THSD4: variants seen among roughly 807,000 people sequenced by gnomAD.
The protein encoded by THSD4 is thrombospondin type 1 domain containing 4, also known as thrombospondin type-1 domain-containing protein 4.
THSD4 carries 69 observed loss-of-function variants against 119.0 expected under a neutral mutation model. The observed-to-expected ratio is 0.58, with a 90% CI of 0.48 to 0.71. THSD4 has a LOEUF of 0.71. Among genes scored for constraint, THSD4 ranks in the 30% least tolerant of loss-of-function variants. THSD4 has a pLI of 0.00. For synonymous variants in THSD4, 524 were observed against 540.4 expected, an observed-to-expected ratio of 0.97 and a Z score of 0.42; for missense variants, 1,393 against 1,391.1, an observed-to-expected ratio of 1.00 and a Z score of -0.02.
chr15:71,578,430 G>T (rs976059143), intron 7 of THSD4, among the ~76,000 whole-genome samples: 1 of 151,926 alleles, frequency 6.6e-6, no homozygotes, highest in Non-Finnish European at 1.5e-5. Context: ...GATTTCTTTT[G>T]ACTTTATTTT....
chr15:71,098,101 C>T (rs2141337293), intron 1 of THSD4, among the ~76,000 whole-genome samples: 1 of 151,772 alleles, frequency 6.6e-6, no homozygotes, highest in South Asian at 2.1e-4. Context: ...CAAGGCAGTG[C>T]TGCTTTTATA....
chr15:71,744,383 C>G (rs1487958209), intron 11 of THSD4, among the ~76,000 whole-genome samples: 1 of 152,142 alleles, frequency 6.6e-6, no homozygotes, highest in Non-Finnish European at 1.5e-5. Context: ...GTAGCCCTGT[C>G]CCTCAGAAGC....
intron 7 of THSD4, among the ~76,000 whole-genome samples, chr15:71,592,786 G>C (rs1237338583): frequency 6.6e-6 from 1 of 152,048 alleles, no homozygotes; most frequent in African/African-American, 2.4e-5. Flanking sequence ...TACAAGTCCT[G>C]AGTTTCAGTG....
At chr15:71,478,729 G>C (rs1050384314) in intron 7 of THSD4, among the ~76,000 whole-genome samples, 1 of 152,134 alleles carries the variant, frequency 6.6e-6, no homozygotes, top group African/African-American at 2.4e-5. Flanking sequence ...TAAAATATTG[G>C]GGACTGTATT....
In THSD4 at chr15:71,729,506, A is replaced by T. The variant is rs376964460; in HGVS notation, c.1533+782A>T. The T allele has an allele frequency of 5.3e-5, 8 of 152,360 alleles. No homozygotes were observed. In the East Asian group the frequency reaches 9.6e-4, roughly 18 times the overall value. 9.4% of individuals were successfully genotyped at this position (152,360 alleles called of 1,614,324 possible). A position where few individuals can be genotyped will look rare whatever the true frequency, so the allele number is the denominator to read the frequency against. On this transcript the variant is annotated intron_variant, in intron 9 of 17. Coordinates refer to ENST00000261862, the MANE Select transcript of THSD4 (RefSeq NM_024817.3). Reference sequence around the variant, plus strand: ...TATTTGCTGTGTCAGAGTTTTAGAAATATTATTAATTGCATTGTCATTACT... The same window carrying T: ...TATTTGCTGTGTCAGAGTTTTAGAATTATTATTAATTGCATTGTCATTACT...
chr15:71,661,352 T>C (rs2051301354), intron 8 of THSD4, among the ~76,000 whole-genome samples: 1 of 152,156 alleles, frequency 6.6e-6, no homozygotes, highest in Non-Finnish European at 1.5e-5. Context: ...CTATTTGCAT[T>C]CCATCTGATA....
intron 6 of THSD4, among the ~76,000 whole-genome samples, chr15:71,276,834 T>C (rs1342016671): frequency 6.6e-6 from 1 of 152,194 alleles, no homozygotes; most frequent in Non-Finnish European, 1.5e-5. Flanking sequence ...AAAAACAATA[T>C]GTAGCGGATT....
At chr15:71,237,584 T>C (rs923417945) in intron 4 of THSD4, among the ~76,000 whole-genome samples, 2 of 152,194 alleles carry the variant, frequency 1.3e-5, no homozygotes, top group African/African-American at 4.8e-5. Flanking sequence ...AGCAGAGGCC[T>C]GTGCTAGACC....
At chr15:71,658,469 G>T (rs551364624) in intron 7 of THSD4, among the ~76,000 whole-genome samples, 1 of 152,224 alleles carries the variant, frequency 6.6e-6, no homozygotes, top group Admixed American at 6.5e-5. Flanking sequence ...GCAGGCAATG[G>T]GTGTTGACCA....
At chr15:71,344,627 T>G (rs905234423) in intron 6 of THSD4, among the ~76,000 whole-genome samples, 17 of 152,194 alleles carry the variant, frequency 1.1e-4, no homozygotes, top group Admixed American at 2.0e-4. Context: ...CTTTGTTTCA[T>G]GCCAAACATG....
intron 6 of THSD4, among the ~76,000 whole-genome samples, chr15:71,298,028 G>T (rs2044889974): frequency 6.6e-6 from 1 of 151,964 alleles, no homozygotes; most frequent in African/African-American, 2.4e-5. Context: ...CAAATCTAAG[G>T]ATGTAAAGAT....
chr15:71,631,636 C>G (rs1047258258), intron 7 of THSD4, among the ~76,000 whole-genome samples: 1 of 152,164 alleles, frequency 6.6e-6, no homozygotes, highest in Non-Finnish European at 1.5e-5. Flanking sequence ...TATGCTGAGT[C>G]TTTGAGGCCT....
chr15:71,362,818 T>C (rs2045909896), intron 6 of THSD4, among the ~76,000 whole-genome samples: 1 of 152,188 alleles, frequency 6.6e-6, no homozygotes. Flanking sequence ...TATTTCATTG[T>C]GTTTTATATT....
intron 6 of THSD4, among the ~76,000 whole-genome samples, chr15:71,308,966 GT>G (rs1303535913): frequency 6.6e-6 from 1 of 152,098 alleles, no homozygotes; most frequent in Non-Finnish European, 1.5e-5. Context: ...TTGTGCTTTT[GT>G]TTTTTGGAGA....
chr15:71,641,839 T>G (rs2050864502), intron 7 of THSD4, among the ~76,000 whole-genome samples: 1 of 152,024 alleles, frequency 6.6e-6, no homozygotes, highest in Non-Finnish European at 1.5e-5. Flanking sequence ...AAAAAAAAAT[T>G]GATACCTATA....
At chr15:71,129,481 A>T (rs776499353) in intron 1 of THSD4, among the ~76,000 whole-genome samples, 3 of 152,146 alleles carry the variant, frequency 2.0e-5, no homozygotes, top group Non-Finnish European at 4.4e-5. Flanking sequence ...AAAAAGGGGG[A>T]TAGTGACAGC....
chr15:71,189,115 C>T (rs2141436978), intron 3 of THSD4: 1 of 152,344 alleles, frequency 6.6e-6, no homozygotes, highest in Non-Finnish European at 1.5e-5. Flanking sequence ...CCACAGCAAC[C>T]CAGTCTCGTG....
At chr15:71,527,112 G>T (rs190567315) in intron 7 of THSD4, among the ~76,000 whole-genome samples, 2 of 152,208 alleles carry the variant, frequency 1.3e-5, no homozygotes, top group African/African-American at 4.8e-5. Context: ...CCGGGGTTCA[G>T]CCTTTTTTGC....
intron 7 of THSD4, among the ~76,000 whole-genome samples, chr15:71,572,472 G>A (rs2049376157): frequency 6.6e-6 from 1 of 152,176 alleles, no homozygotes; most frequent in Non-Finnish European, 1.5e-5. Flanking sequence ...GCTGGGAACT[G>A]CACTGCATGC....
Sources: gnomAD v4.1 joint callset for allele counts (sites outside exome capture counted in the v4.1 genomes callset) on GRCh38, gnomAD v4.1.1 for gene constraint, MANE v1.5 for transcripts, NCBI Gene and HGNC (gene_info 2026-07-23, HGNC 2026-07-21) for gene names.